The following MFF variants were observed in gnomAD, a reference collection of about 807,000 sequenced individuals.
MFF encodes the protein chromosome 2 open reading frame 33.
MFF carries 12 observed loss-of-function variants against 36.9 expected under a neutral mutation model. The observed-to-expected ratio is 0.33, with a 90% CI of 0.21 to 0.53. MFF has a LOEUF of 0.53. Ranked by LOEUF, MFF falls within the 20% of genes least tolerant of loss-of-function variation. The pLI is 0.95. For synonymous variants in MFF, 99 were observed against 126.2 expected, an observed-to-expected ratio of 0.78 and a Z score of 1.44; for missense variants, 348 against 366.6, an observed-to-expected ratio of 0.95 and a Z score of 0.42.
intron 1 of MFF, among the ~76,000 whole-genome samples, chr2:227,327,087 A>G (rs917550592): frequency 1.3e-5 from 2 of 152,238 alleles, no homozygotes; most frequent in African/African-American, 4.8e-5. Flanking sequence ...TAGTGATACA[A>G]AATTTTCTTT....
In MFF at chr2:227,352,507, G is replaced by A. The variant is rs778845505; in HGVS notation, c.600-7G>A. ...CTTGTGCCTTCTCCCGCAAAAACCT[G>A]CCTTAGACCTGTGTTGCGTGGTGGG... On this transcript the variant is annotated splice_region_variant and splice_polypyrimidine_tract_variant and intron_variant, in intron 6 of 8. Transcript: ENST00000304593. 1.4e-6 allele frequency: 2 copies of A among 1,452,936 alleles called. No homozygotes were observed. Among genetic ancestry groups the A allele is most frequent in the South Asian group, 2.6e-5 (2 of 75,758 alleles). The allele number at this position is 1,452,936 out of a possible 1,614,324, so 90.0% of individuals were successfully genotyped here.
chr2:227,347,148 T>C, intron 5 of MFF, 78 bp from the exon 6 acceptor site: 2 of 1,310,058 alleles, frequency 1.5e-6, no homozygotes, highest in Non-Finnish European at 2.2e-6. Context: ...AAAATTAAGA[T>C]AAAGACTGCT....
rs766903801 is a variant in MFF at position 227,330,651 on chromosome 2, C to T, written c.-15C>T. 2 of 1,613,774 alleles carry T rather than the reference C, an allele frequency of 1.2e-6. No individual in the cohort carries two copies. Among genetic ancestry groups the T allele is most frequent in the African/African-American group, 1.3e-5 (1 of 75,056 alleles). On this transcript the variant is annotated 5_prime_UTR_variant, in exon 3 of 9. Transcript: ENST00000304593. ...GGTGAGCAGGGCAGCATTTCCTTCT[C>T]CCACTGCTGCTGAGATGGCAGAAAT...
chr2:227,336,800 C>G (rs192351364), intron 4 of MFF, among the ~76,000 whole-genome samples: 1 of 152,138 alleles, frequency 6.6e-6, no homozygotes, highest in Admixed American at 6.5e-5. Flanking sequence ...GTAATTCTAC[C>G]GTAAAGAAGT....
intron 2 of MFF, chr2:227,329,555 C>T: frequency 2.2e-6 from 1 of 456,664 alleles, no homozygotes; most frequent in Non-Finnish European, 3.8e-6. Flanking sequence ...TCATAGTTTT[C>T]TTATGAAATG....
chr2:227,352,651 A>AC, intron 7 of MFF, 78 bp downstream of exon 7: 5 of 1,131,666 alleles, frequency 4.4e-6, no homozygotes, highest in African/African-American at 1.8e-5. Flanking sequence ...TGCATGTCGT[A>AC]GCCATGCCTG....
chr2:227,327,506 A>AC (rs2074248123), intron 1 of MFF, among the ~76,000 whole-genome samples: 1 of 11,426 alleles, frequency 8.8e-5, no homozygotes, highest in Non-Finnish European at 9.7e-4. Flanking sequence ...TCTTAGTAGA[A>AC]ATCCAGTTAC....
At chr2:227,332,795 G>GT (rs2074697784) in intron 4 of MFF, among the ~76,000 whole-genome samples, 1 of 152,212 alleles carries the variant, frequency 6.6e-6, no homozygotes, top group Non-Finnish European at 1.5e-5. Flanking sequence ...AAAAATGTAA[G>GT]TTTTGTGGTA....
intron 5 of MFF, among the ~76,000 whole-genome samples, chr2:227,344,565 G>A (rs1001134789): frequency 2.6e-5 from 4 of 152,204 alleles, no homozygotes; most frequent in East Asian, 1.9e-4. Context: ...ACTGCTTAAA[G>A]TTTTAAAAAG....
At chr2:227,332,133 G>A (rs550328365) in intron 3 of MFF, among the ~76,000 whole-genome samples, 5 of 131,908 alleles carry the variant, frequency 3.8e-5, no homozygotes, top group Admixed American at 3.3e-4. Context: ...CACTACGCCC[G>A]GCTAATTTTT....
rs776791807 is a variant in MFF at position 227,332,410 on chromosome 2, A to T, written c.182-9A>T. 2 of 1,482,072 alleles carry T rather than the reference A, an allele frequency of 1.3e-6. No individual in the cohort carries two copies. Among genetic ancestry groups the T allele is most frequent in the African/African-American group, 3.6e-5 (2 of 56,278 alleles). The allele number at this position is 1,482,072 out of a possible 1,614,324, so 91.8% of individuals were successfully genotyped here. ...TCTCTTCTTTGTCTCTTTTCTTGAA[A>T]ACTCCTAGGAAATAATGAAGATGTT... is the stretch of plus-strand genomic sequence containing the variant. On this transcript the variant is annotated splice_polypyrimidine_tract_variant and intron_variant, in intron 3 of 8. Transcript: ENST00000304593.
At chr2:227,343,128 G>A (rs2075502097) in intron 5 of MFF, among the ~76,000 whole-genome samples, 1 of 151,604 alleles carries the variant, frequency 6.6e-6, no homozygotes, top group Non-Finnish European at 1.5e-5. Context: ...TGGTATAATA[G>A]TTCTCAACAG....
At chr2:227,350,353 G>A (rs770560899) in intron 6 of MFF, among the ~76,000 whole-genome samples, 2 of 151,994 alleles carry the variant, frequency 1.3e-5, no homozygotes, top group African/African-American at 4.8e-5. Context: ...TAAAATATTC[G>A]CATCTTCAAA....
chr2:227,339,201 C>CAAA (rs369858631), intron 4 of MFF, among the ~76,000 whole-genome samples: 1 of 125,514 alleles, frequency 8.0e-6, no homozygotes, highest in Non-Finnish European at 1.7e-5. Context: ...GATCCTATCT[C>CAAA]AAAAAAAAAA....
chr2:227,355,593 G>A (rs2076216792), intron 7 of MFF, 84 bp from the exon 8 acceptor site: 14 of 720,248 alleles, frequency 1.9e-5, no homozygotes, highest in Non-Finnish European at 3.4e-5. Context: ...ACTACTTTGA[G>A]CATTACACAA....
intron 7 of MFF, among the ~76,000 whole-genome samples, chr2:227,353,036 CA>C (rs1168232843): frequency 6.6e-6 from 1 of 152,164 alleles, no homozygotes; most frequent in Non-Finnish European, 1.5e-5. Context: ...TCAGCATTAA[CA>C]ACTCCACAGT....
At chr2:227,342,120 T>C (rs1367524528) in intron 5 of MFF, among the ~76,000 whole-genome samples, 2 of 152,108 alleles carry the variant, frequency 1.3e-5, no homozygotes, top group Non-Finnish European at 2.9e-5. Flanking sequence ...TGACATTTTC[T>C]AAATTTTTAG....
intron 4 of MFF, among the ~76,000 whole-genome samples, chr2:227,336,815 G>C (rs563097486): frequency 6.6e-6 from 1 of 152,364 alleles, no homozygotes; most frequent in African/African-American, 2.4e-5. Context: ...AGAAGTAGCA[G>C]ATGGTTATTG....
intron 5 of MFF, among the ~76,000 whole-genome samples, chr2:227,341,312 C>T (rs1207187781): frequency 6.7e-6 from 1 of 150,080 alleles, no homozygotes; most frequent in Non-Finnish European, 1.5e-5. Flanking sequence ...CAAATCCTTG[C>T]TTTGAAAGAA....
Sources: allele counts gnomAD v4.1 joint callset (sites outside exome capture counted in the v4.1 genomes callset), GRCh38; gene constraint gnomAD v4.1.1; transcripts MANE v1.5; gene names NCBI Gene and HGNC (gene_info 2026-07-23, HGNC 2026-07-21).